TRAPPC10: variants seen among roughly 807,000 people sequenced by gnomAD.
TRAPPC10 encodes the protein TRAPP 130 kDa subunit.
A neutral mutation model predicts 125.5 loss-of-function variants in TRAPPC10; 23 were observed. The ratio of observed to expected loss-of-function variants is 0.18; its 90% CI spans 0.13 to 0.26. The LOEUF (loss-of-function observed/expected upper bound fraction) is 0.26. Ranked by LOEUF, TRAPPC10 falls within the 10% of genes least tolerant of loss-of-function variation. The pLI is 1.00. For missense variants in TRAPPC10, 1,123 were observed against 1,308.4 expected, an observed-to-expected ratio of 0.86 and a Z score of 2.19; for synonymous variants, 509 against 518.0, an observed-to-expected ratio of 0.98 and a Z score of 0.24.
chr21:44,062,625 A>G, intron 6 of TRAPPC10: 3 of 984,812 alleles, frequency 3.0e-6, no homozygotes, highest in Non-Finnish European at 3.6e-6. Flanking sequence ...TGGGTGCTCC[A>G]ATAGCCCTGA....
rs754681411 is a variant in TRAPPC10 at position 44,087,708 on chromosome 21, C to G, written c.2549C>G (p.Ser850Cys). The change falls in exon 17 of 23, where the codon TCT becomes TGT. Residue 850 changes from serine (S) to cysteine (C), a missense_variant. By Grantham distance (112) the Ser-to-Cys change is moderately radical. Transcript: ENST00000291574. The surrounding 1 kb of genome is among the most constrained non-coding windows in gnomAD (Gnocchi z 4.6). ...TTTCTGTCCTTCGTAGAACAGTCTT[C>G]TGAGGCCGCGCTCCGGATTCAGTCC... is the stretch of plus-strand genomic sequence containing the variant. ...VVYSNTREQS[S>C]EAALRIQSSD... 6.2e-7 allele frequency: 1 copy of G among 1,613,590 alleles called. No individual in the cohort carries two copies. The highest frequency in any genetic ancestry group is 8.5e-7 in the Non-Finnish European group (1 of 1,180,020).
intron 11 of TRAPPC10, among the ~76,000 whole-genome samples, chr21:44,079,154 G>A (rs537860062): frequency 6.6e-6 from 1 of 152,212 alleles, no homozygotes; most frequent in African/African-American, 2.4e-5. Context: ...TGGACTTCCT[G>A]GCTTCATTGC....
intron 12 of TRAPPC10, 77 bp from the exon 13 acceptor site, chr21:44,079,938 C>T (rs941394907): frequency 6.7e-6 from 9 of 1,335,348 alleles, no homozygotes; most frequent in East Asian, 2.4e-5. Flanking sequence ...CTGTGAAGGC[C>T]GTAGGAGACT....
chr21:44,057,560 C>G lies in TRAPPC10; in HGVS notation c.679-1543C>G, dbSNP rs147653279. On this transcript the variant is annotated intron_variant, in intron 5 of 22. Coordinates refer to ENST00000291574, the MANE Select transcript of TRAPPC10 (RefSeq NM_003274.5). Reference sequence around the variant, plus strand: ...TGATCCTCGCAAAGTGCTGGAATTACAAGCCTGAGCCACTGCACCCGGCCT... The same window carrying G: ...TGATCCTCGCAAAGTGCTGGAATTAGAAGCCTGAGCCACTGCACCCGGCCT... Among the ~76,000 whole-genome samples, 508 of 152,290 alleles carry G rather than the reference C, an allele frequency of 3.3e-3. 1 individual carries two copies. Among genetic ancestry groups the G allele is most frequent in the African/African-American group, 0.011 (474 of 41,546 alleles).
chr21:44,070,071 C>T (rs1362155295), intron 7 of TRAPPC10, among the ~76,000 whole-genome samples: 1 of 152,086 alleles, frequency 6.6e-6, no homozygotes, highest in Non-Finnish European at 1.5e-5. Flanking sequence ...GCTGTGAGCT[C>T]TCTGGCAGGT....
At chr21:44,050,586 C>T (rs2035167906) in intron 3 of TRAPPC10, among the ~76,000 whole-genome samples, 1 of 152,132 alleles carries the variant, frequency 6.6e-6, no homozygotes, top group Non-Finnish European at 1.5e-5. Flanking sequence ...CCAGGCATGG[C>T]GTGTTGGGGC....
chr21:44,047,703 G>T (rs1225454963), intron 3 of TRAPPC10, among the ~76,000 whole-genome samples: 1 of 152,148 alleles, frequency 6.6e-6, no homozygotes, highest in Non-Finnish European at 1.5e-5. Context: ...TTCTTCTGCA[G>T]TGTCTAATCG....
intron 6 of TRAPPC10, among the ~76,000 whole-genome samples, chr21:44,060,626 T>C (rs2035963452): frequency 6.6e-6 from 1 of 150,596 alleles, no homozygotes; most frequent in South Asian, 2.1e-4. Context: ...TTTGAGACAG[T>C]GTCTCACTCT....
intron 3 of TRAPPC10, among the ~76,000 whole-genome samples, chr21:44,042,169 G>A (rs1246394166): frequency 1.3e-5 from 2 of 151,842 alleles, no homozygotes; most frequent in African/African-American, 4.8e-5. Flanking sequence ...ACTTTCATTT[G>A]TATTATTTTC....
At position 44,063,389 on chromosome 21, in the gene TRAPPC10, T is replaced by A; in HGVS notation, c.791-149T>A. On this transcript the variant is annotated intron_variant, in intron 6 of 22. Coordinates refer to ENST00000291574, the MANE Select transcript of TRAPPC10 (RefSeq NM_003274.5). The surrounding 1 kb of genome is among the most constrained non-coding windows in gnomAD (Gnocchi z 4.4). ...TCGGCTGTCAGTGCTGGGAGCCGAATGCATCACTAGACCACAGGGGGTGGG... is the reference window on the plus strand; with the variant it reads ...TCGGCTGTCAGTGCTGGGAGCCGAAAGCATCACTAGACCACAGGGGGTGGG... The A allele has an allele frequency of 7.9e-7, 1 of 1,262,390 alleles. No homozygotes were observed. Among genetic ancestry groups the A allele is most frequent in the South Asian group, 1.4e-5 (1 of 70,326 alleles). The allele number at this position is 1,262,390 out of a possible 1,614,324, so 78.2% of individuals were successfully genotyped here. A position where few individuals can be genotyped will look rare whatever the true frequency, so the allele number is the denominator to read the frequency against.
In TRAPPC10 at chr21:44,037,897, C is replaced by T; in HGVS notation, c.255C>T (p.Pro85=). ...KEGNKALLTF[P]FLHIYWTECC... Reference sequence around the variant, plus strand: ...GAAACAAAGCTCTGCTCACGTTTCCCTTCCTCCATATTTACTGGACAGAGT... The same window carrying T: ...GAAACAAAGCTCTGCTCACGTTTCCTTTCCTCCATATTTACTGGACAGAGT... Residue 85 remains proline, a synonymous_variant, in exon 3 of 23, where the codon CCC becomes CCT. Coordinates refer to ENST00000291574, the MANE Select transcript of TRAPPC10 (RefSeq NM_003274.5). The T allele has an allele frequency of 1.2e-6, 2 of 1,613,978 alleles. No individual in the cohort carries two copies. Among genetic ancestry groups the T allele is most frequent in the Non-Finnish European group, 1.7e-6 (2 of 1,180,004 alleles).
At chr21:44,044,286 CT>C (rs11423988) in intron 3 of TRAPPC10, among the ~76,000 whole-genome samples, 1 of 150,694 alleles carries the variant, frequency 6.6e-6, no homozygotes, top group Non-Finnish European at 1.5e-5. Context: ...TTGAATGAGA[CT>C]TTTTTCCTTA....
chr21:44,072,800 A>G (rs976074175), intron 7 of TRAPPC10, among the ~76,000 whole-genome samples: 9 of 152,166 alleles, frequency 5.9e-5, no homozygotes, highest in Admixed American at 2.6e-4. Flanking sequence ...GTGTGTGCCC[A>G]GGGGAGGTGC....
intron 1 of TRAPPC10, among the ~76,000 whole-genome samples, chr21:44,030,403 C>G (rs2033472355): frequency 6.6e-6 from 1 of 151,916 alleles, no homozygotes; most frequent in African/African-American, 2.4e-5. Flanking sequence ...AATTGGCAAT[C>G]AAAGTTAAGA....
chr21:44,084,118 C>T lies in TRAPPC10; in HGVS notation c.2239-4C>T, dbSNP rs760517210. ...GTTTCAAATGCCTGATTCTTTGACT[C>T]TAGGCCAAGGAACCTGGAACGTATA... On this transcript the variant is annotated splice_polypyrimidine_tract_variant and splice_region_variant and intron_variant, in intron 14 of 22. Coordinates refer to ENST00000291574, the MANE Select transcript of TRAPPC10 (RefSeq NM_003274.5). The T allele has an allele frequency of 3.1e-6, 5 of 1,613,698 alleles. No individual in the cohort carries two copies. The South Asian group carries it at 3.3e-5, about 11-fold the overall frequency.
chr21:44,088,250 C>A, intron 17 of TRAPPC10: 1 of 355,352 alleles, frequency 2.8e-6, no homozygotes, highest in Non-Finnish European at 5.3e-6. Context: ...GTGACGAGGC[C>A]AGAGGAGGTC....
chr21:44,038,784 G>A (rs932598102), intron 3 of TRAPPC10, among the ~76,000 whole-genome samples: 4 of 152,044 alleles, frequency 2.6e-5, no homozygotes, highest in Admixed American at 6.5e-5. Context: ...TAATGAGACA[G>A]GAACTGTAAG....
Position 44,032,084 on chromosome 21 carries a change from T to C in TRAPPC10, c.68-7T>C. 6.2e-7 allele frequency: 1 copy of C among 1,610,630 alleles called. No homozygotes were observed. Among genetic ancestry groups the C allele is most frequent in the South Asian group, 1.1e-5 (1 of 90,294 alleles). ...ATGGTAACTGAATTTCTTTCTTCCCTTCATAGGTGCTGGAGATCAGAATTT... is the reference window on the plus strand; with the variant it reads ...ATGGTAACTGAATTTCTTTCTTCCCCTCATAGGTGCTGGAGATCAGAATTT... On this transcript the variant is annotated splice_polypyrimidine_tract_variant and splice_region_variant and intron_variant, in intron 1 of 22. Coordinates refer to ENST00000291574, the MANE Select transcript of TRAPPC10 (RefSeq NM_003274.5).
chr21:44,020,208 A>C (rs1175250205), intron 1 of TRAPPC10, among the ~76,000 whole-genome samples: 2 of 147,358 alleles, frequency 1.4e-5, no homozygotes, highest in Admixed American at 6.8e-5. Flanking sequence ...GCAAGCTCCG[A>C]CTCCGCCTCC....
Sources: gnomAD v4.1 joint callset for allele counts (sites outside exome capture counted in the v4.1 genomes callset) on GRCh38, gnomAD v4.1.1 for gene constraint, Gnocchi (gnomAD v3.1) non-coding constraint, MANE v1.5 for transcripts, NCBI Gene and HGNC (gene_info 2026-07-23, HGNC 2026-07-21) for gene names.